Variants in DHX30 observed in about 807,000 individuals in gnomAD.
The protein encoded by DHX30 is ATP-dependent RNA helicase DHX30.
A neutral mutation model predicts 116.9 loss-of-function variants in DHX30; 4 were observed. That is an observed-to-expected ratio of 0.03 (90% CI 0.02 to 0.08). The LOEUF is 0.08. Among genes scored for constraint, DHX30 ranks in the 10% least tolerant of loss-of-function variants. The pLI, the probability that DHX30 is intolerant of heterozygous loss-of-function variation, is 1.00. For synonymous variants in DHX30, 697 were observed against 651.7 expected (o/e 1.07, Z -1.06); for missense variants, 871 against 1,595.1 (o/e 0.55, Z 7.73).
intron 2 of DHX30, among the ~76,000 whole-genome samples, chr3:47,807,921 T>C (rs1055593585): frequency 6.6e-6 from 1 of 151,366 alleles, no homozygotes; most frequent in Non-Finnish European, 1.5e-5. Context: ...TTTTTTTAAA[T>C]TTTTTTGAGA....
At chr3:47,833,436 G>T (rs1325873440) in intron 6 of DHX30, among the ~76,000 whole-genome samples, 1 of 150,988 alleles carries the variant, frequency 6.6e-6, no homozygotes, top group East Asian at 1.9e-4. Context: ...GGAGGCTGAG[G>T]TGGGAGGATT....
At position 47,841,644 on chromosome 3, in the gene DHX30, C is replaced by T. The variant is rs1247719359; in HGVS notation, c.696C>T (p.Asp232=). 9.9e-6 allele frequency: 16 copies of T among 1,614,232 alleles called. 1 individual carries two copies. The South Asian group carries it at 1.2e-4, about 12-fold the overall frequency. The part of the protein sequence containing the change: ...SRGSSFEMTD[D]DSAIRALTQF... ...GGAGTTCCTTTGAGATGACAGATGA[C>T]GACAGTGCCATTAGGGCTCTGACCC... The change falls in exon 8 of 22, where the codon GAC becomes GAT. Residue 232 remains aspartate, a synonymous_variant. Transcript: ENST00000445061.
Position 47,845,743 on chromosome 3 carries a change from C to G in DHX30, c.983C>G (p.Ala328Gly). 6.2e-7 allele frequency: 1 copy of G among 1,610,852 alleles called. No homozygotes were observed. The highest frequency in any genetic ancestry group is 2.2e-5 in the East Asian group (1 of 44,760). The change falls in exon 10 of 22, where the codon GCC becomes GGC. Residue 328 changes from alanine to glycine, a missense_variant. Ala to Gly is a moderately conservative substitution (Grantham distance 60, BLOSUM62 0). Transcript: ENST00000445061. ...VDRNNEPLTH[A>G]MYNLASLREL... Reference sequence around the variant, plus strand: ...AGGAACAACGAACCGCTTACACACGCCATGTATAACCTGGCCTCTTTGCGT... The same window carrying G: ...AGGAACAACGAACCGCTTACACACGGCATGTATAACCTGGCCTCTTTGCGT...
intron 6 of DHX30, among the ~76,000 whole-genome samples, chr3:47,832,619 A>T (rs2036911472): frequency 6.6e-6 from 1 of 150,564 alleles, no homozygotes; most frequent in East Asian, 1.9e-4. Flanking sequence ...CTCACGGAAC[A>T]TCTAATTCTT....
chr3:47,823,432 C>T (rs952967250), intron 4 of DHX30, among the ~76,000 whole-genome samples: 2 of 149,462 alleles, frequency 1.3e-5, no homozygotes, highest in African/African-American at 4.9e-5. Flanking sequence ...GGCGCAATCT[C>T]GGCTCACTGC....
In DHX30 at chr3:47,847,209, C is replaced by T. The variant is rs1348595663; in HGVS notation, c.1930-64C>T. Reference sequence around the variant, plus strand: ...GGCTCCGTCTCACTGAGTCAGGTGGCTGTGTCCTTGGCATGACCCCTTACC... The same window carrying T: ...GGCTCCGTCTCACTGAGTCAGGTGGTTGTGTCCTTGGCATGACCCCTTACC... On this transcript the variant is annotated intron_variant, in intron 11 of 21. Transcript: ENST00000445061. The surrounding 1 kb of genome is among the most constrained non-coding windows in gnomAD (Gnocchi z 5.5). 2 of 1,600,118 alleles carry T rather than the reference C, an allele frequency of 1.2e-6. No individual in the cohort carries two copies. The highest frequency in any genetic ancestry group is 1.7e-5 in the Admixed American group (1 of 59,972).
intron 6 of DHX30, among the ~76,000 whole-genome samples, chr3:47,837,802 G>A (rs2037191892): frequency 1.3e-5 from 2 of 152,122 alleles, no homozygotes; most frequent in East Asian, 1.9e-4. Flanking sequence ...GAAGTTGCAC[G>A]GACAGCTCCT....
intron 4 of DHX30, among the ~76,000 whole-genome samples, chr3:47,820,603 C>T (rs2036253251): frequency 6.6e-6 from 1 of 152,184 alleles, no homozygotes; most frequent in African/African-American, 2.4e-5. Context: ...CTATCTTGGA[C>T]TTCCTCTTGT....
chr3:47,825,376 T>C, intron 4 of DHX30: 1 of 521,814 alleles, frequency 1.9e-6, no homozygotes, highest in Non-Finnish European at 3.3e-6. Flanking sequence ...AAGTTCGCCA[T>C]CCGTCGGCGG....
At chr3:47,808,897 G>GT (rs958634089) in intron 2 of DHX30, among the ~76,000 whole-genome samples, 6 of 138,908 alleles carry the variant, frequency 4.3e-5, no homozygotes, top group African/African-American at 1.3e-4. Context: ...TTTTGTTTTT[G>GT]TTTTTTTTGA....
chr3:47,816,190 T>C (rs1248798471), intron 3 of DHX30: 4 of 978,556 alleles, frequency 4.1e-6, no homozygotes, highest in Non-Finnish European at 4.9e-6. Context: ...ACATCTATAA[T>C]ATTATAAGAG....
intron 6 of DHX30, among the ~76,000 whole-genome samples, chr3:47,835,170 A>ATTT (rs552610417): frequency 1.9e-5 from 2 of 106,504 alleles, no homozygotes; most frequent in Non-Finnish European, 2.0e-5. Context: ...TGCCTGGCTA[A>ATTT]TTTTTTTTTT....
At chr3:47,820,218 G>A (rs925884067) in intron 4 of DHX30, among the ~76,000 whole-genome samples, 1 of 152,168 alleles carries the variant, frequency 6.6e-6, no homozygotes, top group African/African-American at 2.4e-5. Context: ...GGAGGCTGAG[G>A]CAGGAGAATT....
At chr3:47,810,759 T>C (rs1400013175) in intron 3 of DHX30, 48 bp downstream of exon 3, 1 of 1,572,664 alleles carries the variant, frequency 6.4e-7, no homozygotes. Context: ...CTTATTGGGA[T>C]GGGCAGCTCT....
At chr3:47,845,074 A>AT (rs1383360323) in intron 9 of DHX30, among the ~76,000 whole-genome samples, 1 of 152,030 alleles carries the variant, frequency 6.6e-6, no homozygotes, top group African/African-American at 2.4e-5. Context: ...ACAGTGGCCT[A>AT]TTGTGGTGTT....
Position 47,847,102 on chromosome 3 carries a change from C to T in DHX30, c.1929+101C>T. ...TTGGTGCCTGGGGCAAGTTACCCTC[C>T]CCAGTCCTCGGTTTCCTTGATAGAA... On this transcript the variant is annotated intron_variant, in intron 11 of 21. Transcript: ENST00000445061. This position sits in a 1 kb window ranked among gnomAD's most constrained non-coding sequence, Gnocchi z 5.5. The T allele has an allele frequency of 1.3e-6, 2 of 1,506,254 alleles. No individual in the cohort carries two copies. Among genetic ancestry groups the T allele is most frequent in the African/African-American group, 1.4e-5 (1 of 72,922 alleles). 93.3% of individuals were successfully genotyped at this position (1,506,254 alleles called of 1,614,324 possible).
At chr3:47,810,123 C>T (rs1421759815) in intron 2 of DHX30, among the ~76,000 whole-genome samples, 4 of 152,120 alleles carry the variant, frequency 2.6e-5, no homozygotes, top group Admixed American at 2.6e-4. Context: ...TTCTTTGATC[C>T]TGTCAGTCAA....
At chr3:47,841,319 G>A (rs371874287) in intron 7 of DHX30, 141 bp downstream of exon 7, 1 of 1,321,202 alleles carries the variant, frequency 7.6e-7, no homozygotes. Flanking sequence ...CTCAGTGTGT[G>A]TCTGCCCATT....
intron 3 of DHX30, 161 bp from the exon 4 acceptor site, chr3:47,817,861 C>T (rs2036127818): frequency 4.3e-6 from 3 of 705,002 alleles, no homozygotes; most frequent in Admixed American, 2.1e-5. Context: ...TCCTGTGTGG[C>T]GTTGTTAGTG....
Sources: gnomAD v4.1 joint callset for allele counts (sites outside exome capture counted in the v4.1 genomes callset) on GRCh38, gnomAD v4.1.1 for gene constraint, Gnocchi (gnomAD v3.1) non-coding constraint, MANE v1.5 for transcripts, NCBI Gene and HGNC (gene_info 2026-07-23, HGNC 2026-07-21) for gene names.